The following NTNG1 variants were observed in gnomAD, a reference collection of about 807,000 sequenced individuals.
The protein encoded by NTNG1 is netrin G1, also known as netrin-G1.
NTNG1 carries 16 observed loss-of-function variants against 54.0 expected under a neutral mutation model. The ratio of observed to expected loss-of-function variants is 0.30; its 90% CI spans 0.20 to 0.45. The LOEUF (loss-of-function observed/expected upper bound fraction) is 0.45. Ranked by LOEUF, NTNG1 falls within the 20% of genes least tolerant of loss-of-function variation. The pLI, the probability that NTNG1 is intolerant of heterozygous loss-of-function variation, is 1.00. For synonymous variants in NTNG1, 255 were observed against 263.1 expected (o/e 0.97, Z 0.30); for missense variants, 530 against 678.7 (o/e 0.78, Z 2.43).
chr1:107,168,134 A>G (rs999708125), intron 2 of NTNG1, among the ~76,000 whole-genome samples: 15 of 152,026 alleles, frequency 9.9e-5, no homozygotes, highest in East Asian at 3.9e-4. Context: ...GAACAAGACA[A>G]TAAGTGTTGC....
intron 7 of NTNG1, among the ~76,000 whole-genome samples, chr1:107,441,389 G>A (rs181561175): frequency 0.022 from 3,405 of 152,148 alleles, 133 homozygotes; most frequent in African/African-American, 0.078. Flanking sequence ...GAATACTAAT[G>A]GTACTTTCAG....
intron 3 of NTNG1, among the ~76,000 whole-genome samples, chr1:107,346,498 T>C (rs562446651): frequency 6.6e-6 from 1 of 152,312 alleles, no homozygotes; most frequent in East Asian, 1.9e-4. Context: ...CTGATGGCTG[T>C]TCTGGATTTA....
intron 2 of NTNG1, among the ~76,000 whole-genome samples, chr1:107,189,958 T>C (rs1422883368): frequency 6.6e-6 from 1 of 152,112 alleles, no homozygotes; most frequent in Admixed American, 6.6e-5. Context: ...AAATGTAGTA[T>C]ATACATACAA....
In NTNG1 at chr1:107,268,043, G is replaced by T. The variant is rs1232356060; in HGVS notation, c.247-56239G>T. Among the ~76,000 whole-genome samples the T allele has an allele frequency of 3.3e-5, 5 of 152,172 alleles. No homozygotes were observed. The East Asian group carries it at 9.6e-4, about 29-fold the overall frequency. On this transcript the variant is annotated intron_variant, in intron 2 of 7. Coordinates refer to ENST00000370068, the MANE Select transcript of NTNG1 (RefSeq NM_001113226.3). The stretch of plus-strand genomic sequence containing the variant: ...CTCTTACCAAAGTGAGGACATTACT[G>T]CAGATATTCTTCTCCTTTTCTCCTA...
chr1:107,457,474 C>T (rs576286313), intron 7 of NTNG1, among the ~76,000 whole-genome samples: 116 of 152,204 alleles, frequency 7.6e-4, no homozygotes, highest in African/African-American at 2.5e-3. Flanking sequence ...TGATTATGCT[C>T]AATTAATATG....
chr1:107,281,798 A>G (rs1243084141), intron 2 of NTNG1, among the ~76,000 whole-genome samples: 1 of 152,172 alleles, frequency 6.6e-6, no homozygotes, highest in African/African-American at 2.4e-5. Context: ...AATGTAAATC[A>G]ACTAAGTTAC....
intron 7 of NTNG1, among the ~76,000 whole-genome samples, chr1:107,458,017 C>G (rs143729732): frequency 1.7e-4 from 26 of 152,228 alleles, no homozygotes; most frequent in African/African-American, 5.5e-4. Context: ...TTAAAAGTTG[C>G]TCTCATTTGC....
intron 2 of NTNG1, among the ~76,000 whole-genome samples, chr1:107,305,807 T>C (rs1666662444): frequency 6.6e-6 from 1 of 152,218 alleles, no homozygotes; most frequent in Admixed American, 6.5e-5. Flanking sequence ...GGTCATGAAG[T>C]CTTTGCCCAT....
At chr1:107,418,676 A>T (rs2101222939) in intron 5 of NTNG1, 1 of 1,461,262 alleles carries the variant, frequency 6.8e-7, no homozygotes, top group East Asian at 2.3e-5. Context: ...TACGGACATA[A>T]AATCCCACAT....
intron 1 of NTNG1, among the ~76,000 whole-genome samples, chr1:107,147,394 C>G (rs1291628362): frequency 1.3e-5 from 2 of 151,812 alleles, no homozygotes; most frequent in African/African-American, 4.8e-5. Flanking sequence ...GATGTAATGG[C>G]TATAAAAAGA....
intron 2 of NTNG1, among the ~76,000 whole-genome samples, chr1:107,251,263 A>T (rs892683321): frequency 6.6e-6 from 1 of 152,216 alleles, no homozygotes; most frequent in African/African-American, 2.4e-5. Context: ...TGCATAATAG[A>T]ATCTTTCCTT....
chr1:107,212,181 TGTA>T lies in NTNG1; in HGVS notation c.246+63347_246+63349del, dbSNP rs746774607. On this transcript the variant is annotated intron_variant, in intron 2 of 7. Transcript: ENST00000370068. ...GCAAGTAGCCCCATTTGCTCTCTGT[TGTA>T]GTAGCATCGCCCACACTTTTGTTAA... Among the ~76,000 whole-genome samples the T allele has an allele frequency of 4.4e-4, 67 of 152,166 alleles. 1 individual carries two copies. Among genetic ancestry groups the T allele is most frequent in the South Asian group, 4.1e-4 (2 of 4,828 alleles).
intron 3 of NTNG1, among the ~76,000 whole-genome samples, chr1:107,388,284 T>C (rs1255262720): frequency 6.6e-6 from 1 of 152,216 alleles, no homozygotes; most frequent in Non-Finnish European, 1.5e-5. Context: ...AGGGCTTACA[T>C]GCATCATCTG....
At chr1:107,421,006 G>T in intron 5 of NTNG1, 1 of 958,042 alleles carries the variant, frequency 1.0e-6, no homozygotes, top group Non-Finnish European at 1.7e-6. Context: ...TTTTCAAGTG[G>T]GTTGGTGATA....
At position 107,209,082 on chromosome 1, in the gene NTNG1, C is replaced by T. The variant is rs573380647; in HGVS notation, c.246+60243C>T. Among the ~76,000 whole-genome samples, 43 of 151,802 alleles carry T rather than the reference C, an allele frequency of 2.8e-4. 1 individual carries two copies. The highest frequency in any genetic ancestry group is 6.8e-3 in the Middle Eastern group (2 of 292). ...AGATTCCTTTGATACTTTTTCAAAC[C>T]TTCTGCTTGCCTTTTTTTTCTGAGC... On this transcript the variant is annotated intron_variant, in intron 2 of 7. Transcript: ENST00000370068.
chr1:107,340,389 T>C (rs1570716285), intron 3 of NTNG1, among the ~76,000 whole-genome samples: 1 of 152,094 alleles, frequency 6.6e-6, no homozygotes, highest in East Asian at 1.9e-4. Flanking sequence ...CAATTTTCAA[T>C]GCTAAGTTAA....
intron 5 of NTNG1, among the ~76,000 whole-genome samples, chr1:107,416,256 G>T (rs1674191715): frequency 6.6e-6 from 1 of 151,956 alleles, no homozygotes; most frequent in African/African-American, 2.4e-5. Context: ...GGCTGCTGGT[G>T]GTTCTGAGTT....
rs1203696772 is a variant in NTNG1, at chr1:107,324,826, T to C, written c.791T>C (p.Ile264Thr). 1 of 1,613,466 alleles carries C rather than the reference T, an allele frequency of 6.2e-7. No individual in the cohort carries two copies. Among genetic ancestry groups the C allele is most frequent in the Admixed American group, 1.7e-5 (1 of 59,906 alleles). The change falls in exon 3 of 8, where the codon ATA becomes ACA. Residue 264 changes from isoleucine (I) to threonine (T), a missense_variant. Coordinates refer to ENST00000370068, the MANE Select transcript of NTNG1 (RefSeq NM_001113226.3). The stretch of plus-strand genomic sequence containing the variant: ...TTCTTTACAGTCACAGACCTGAGGA[T>C]AAGGCTGTTAAGACCAGCCGTTGGG... ...RDFFTVTDLR[I>T]RLLRPAVGEI...
intron 2 of NTNG1, among the ~76,000 whole-genome samples, chr1:107,322,866 C>CA (rs1384648162): frequency 6.6e-6 from 1 of 152,004 alleles, no homozygotes; most frequent in Non-Finnish European, 1.5e-5. Flanking sequence ...ACTTGAATCT[C>CA]CAAAACCTGT....
Sources: allele counts gnomAD v4.1 joint callset (sites outside exome capture counted in the v4.1 genomes callset), GRCh38; gene constraint gnomAD v4.1.1; transcripts MANE v1.5; gene names NCBI Gene and HGNC (gene_info 2026-07-23, HGNC 2026-07-21).